ADGRL2: variants seen among roughly 807,000 people sequenced by gnomAD.
The protein encoded by ADGRL2 is calcium-independent alpha-latrotoxin receptor 2.
A neutral mutation model predicts 157.4 loss-of-function variants in ADGRL2; 44 were observed. The ratio of observed to expected loss-of-function variants is 0.28; its 90% CI spans 0.22 to 0.36. The LOEUF is 0.36. Among genes scored for constraint, ADGRL2 ranks in the 10% least tolerant of loss-of-function variants. ADGRL2 has a pLI of 1.00. For synonymous variants in ADGRL2, 585 were observed against 624.7 expected, an observed-to-expected ratio of 0.94 and a Z score of 0.95; for missense variants, 1,510 against 1,768.9, an observed-to-expected ratio of 0.85 and a Z score of 2.63.
chr1:81,954,305 A>G (rs577225784), intron 10 of ADGRL2, among the ~76,000 whole-genome samples: 127 of 152,268 alleles, frequency 8.3e-4, no homozygotes, highest in Non-Finnish European at 1.1e-3. Context: ...ACAAATAGTA[A>G]TAAATAAGGA....
chr1:81,898,188 T>C (rs375382192), intron 2 of ADGRL2, among the ~76,000 whole-genome samples: 4 of 152,188 alleles, frequency 2.6e-5, no homozygotes, highest in African/African-American at 9.7e-5. Flanking sequence ...TGGACTGAGT[T>C]GATGATTGTG....
chr1:81,563,019 TG>T (rs1348349275), intron 2 of ADGRL2, among the ~76,000 whole-genome samples: 1 of 152,184 alleles, frequency 6.6e-6, no homozygotes, highest in Non-Finnish European at 1.5e-5. Flanking sequence ...TATTGCTAGG[TG>T]GATGCCATAT....
chr1:81,477,527 G>A (rs1411652510), intron 2 of ADGRL2, among the ~76,000 whole-genome samples: 1 of 152,080 alleles, frequency 6.6e-6, no homozygotes, highest in Non-Finnish European at 1.5e-5. Flanking sequence ...TCCAACACAG[G>A]ACAGTTGCAA....
intron 2 of ADGRL2, among the ~76,000 whole-genome samples, chr1:81,896,267 G>A (rs749361537): frequency 3.3e-5 from 5 of 151,970 alleles, no homozygotes; most frequent in Non-Finnish European, 7.4e-5. Context: ...TTAAATTTTT[G>A]TTAGAAACTT....
intron 1 of ADGRL2, among the ~76,000 whole-genome samples, chr1:81,410,359 A>T (rs2101411270): frequency 6.6e-6 from 1 of 152,264 alleles, no homozygotes; most frequent in South Asian, 2.1e-4. Context: ...CTTCTTTCAA[A>T]ATGCTTATTT....
intron 18 of ADGRL2, chr1:81,981,067 CTATTT>C (rs1043018628): frequency 3.1e-5 from 13 of 425,044 alleles, no homozygotes; most frequent in Admixed American, 1.2e-4. Context: ...TTATTACTTT[CTATTT>C]TAATTCTGTC....
At chr1:81,337,380 C>T (rs1661727556) in intron 1 of ADGRL2, among the ~76,000 whole-genome samples, 2 of 152,248 alleles carry the variant, frequency 1.3e-5, no homozygotes, top group East Asian at 3.9e-4. Flanking sequence ...GGCACAGAGT[C>T]CTGCTCCTGC....
chr1:81,802,733 C>T (rs1294090494), intron 1 of ADGRL2, among the ~76,000 whole-genome samples: 1 of 152,246 alleles, frequency 6.6e-6, no homozygotes, highest in East Asian at 1.9e-4. Flanking sequence ...TCCGGTCCCG[C>T]ACTGTAAGTG....
At chr1:81,921,808 A>T (rs1310524188) in intron 3 of ADGRL2, among the ~76,000 whole-genome samples, 2 of 152,190 alleles carry the variant, frequency 1.3e-5, no homozygotes, top group Non-Finnish European at 2.9e-5. Flanking sequence ...TCATATGGTT[A>T]TGGAACCATG....
intron 2 of ADGRL2, among the ~76,000 whole-genome samples, chr1:81,878,566 CT>C (rs1471366701): frequency 6.6e-6 from 1 of 152,128 alleles, no homozygotes; most frequent in African/African-American, 2.4e-5. Context: ...TTATTCATTA[CT>C]TTGCCCAAAT....
chr1:81,443,822 A>G (rs969295253), intron 1 of ADGRL2, among the ~76,000 whole-genome samples: 4 of 152,198 alleles, frequency 2.6e-5, no homozygotes, highest in African/African-American at 9.7e-5. Flanking sequence ...ATAGAAAGAT[A>G]CTCCTTGTTA....
chr1:81,423,256 C>T (rs2077156785), intron 1 of ADGRL2, among the ~76,000 whole-genome samples: 1 of 152,086 alleles, frequency 6.6e-6, no homozygotes, highest in Non-Finnish European at 1.5e-5. Context: ...CCCATGTTAC[C>T]TGCTTTTAGG....
At chr1:81,443,393 C>T (rs752801468) in intron 1 of ADGRL2, among the ~76,000 whole-genome samples, 4 of 151,090 alleles carry the variant, frequency 2.6e-5, no homozygotes, top group Non-Finnish European at 5.9e-5. Context: ...GCCAAGATCA[C>T]ACCATTACAA....
At chr1:81,752,908 T>C (rs932868338) in intron 1 of ADGRL2, among the ~76,000 whole-genome samples, 29 of 152,328 alleles carry the variant, frequency 1.9e-4, no homozygotes, top group Non-Finnish European at 2.1e-4. Context: ...AGAAATAATA[T>C]GTGGACAGGT....
intron 3 of ADGRL2, among the ~76,000 whole-genome samples, chr1:81,627,755 A>C (rs1325846832): frequency 6.6e-6 from 1 of 152,192 alleles, no homozygotes; most frequent in Admixed American, 6.5e-5. Context: ...GGCATATCTC[A>C]GCTAAAATAG....
intron 9 of ADGRL2, among the ~76,000 whole-genome samples, chr1:81,952,394 T>C (rs117191901): frequency 8.5e-4 from 129 of 152,260 alleles, no homozygotes; most frequent in East Asian, 8.3e-3. Flanking sequence ...ATCTATCTGA[T>C]TGTGGTCAAT....
intron 3 of ADGRL2, chr1:81,596,231 G>T: frequency 1.7e-6 from 1 of 579,574 alleles, no homozygotes; most frequent in South Asian, 1.4e-5. Context: ...CAAAAGGACT[G>T]TGCAAGTCAA....
chr1:81,450,035 C>T (rs1038475506), intron 2 of ADGRL2, among the ~76,000 whole-genome samples: 8 of 152,272 alleles, frequency 5.3e-5, no homozygotes, highest in African/African-American at 1.9e-4. Flanking sequence ...CCTAGCTCTC[C>T]CTGTTAATCC....
At chr1:81,778,585 C>T (rs1016810182) in intron 2 of ADGRL2, among the ~76,000 whole-genome samples, 7 of 152,080 alleles carry the variant, frequency 4.6e-5, no homozygotes, top group Non-Finnish European at 1.0e-4. Context: ...ATTATATAAG[C>T]TATTCCGCAC....
Sources: gnomAD v4.1 joint callset for allele counts (sites outside exome capture counted in the v4.1 genomes callset) on GRCh38, gnomAD v4.1.1 for gene constraint, MANE v1.5 for transcripts, NCBI Gene and HGNC (gene_info 2026-07-23, HGNC 2026-07-21) for gene names.